The following RORA variants were observed in gnomAD, a reference collection of about 807,000 sequenced individuals.
RORA encodes the protein nuclear receptor ROR-alpha.
A neutral mutation model predicts 69.5 loss-of-function variants in RORA; 7 were observed. The ratio of observed to expected loss-of-function variants is 0.10; its 90% confidence interval spans 0.06 to 0.19. RORA has a LOEUF of 0.19. RORA is among the 10% of genes least tolerant of loss of function. RORA has a pLI of 1.00. For synonymous variants in RORA, 261 were observed against 240.8 expected, an observed-to-expected ratio of 1.08 and a Z score of -0.78; for missense variants, 457 against 663.0, an observed-to-expected ratio of 0.69 and a Z score of 3.41.
intron 1 of RORA, among the ~76,000 whole-genome samples, chr15:61,069,352 G>A (rs918697641): frequency 7.2e-5 from 11 of 152,168 alleles, no homozygotes; most frequent in Admixed American, 5.9e-4. Flanking sequence ...ATAAAATTGG[G>A]TGGAGAATCT....
At chr15:60,621,397 T>C (rs2069403653) in intron 2 of RORA, among the ~76,000 whole-genome samples, 1 of 152,074 alleles carries the variant, frequency 6.6e-6, no homozygotes, top group African/African-American at 2.4e-5. Flanking sequence ...ATTGTTGCTA[T>C]ATAACATGAA....
rs367615493 is a variant in RORA at position 60,754,942 on chromosome 15, C to G, written c.167-76256G>C. 4.6e-5 allele frequency among the ~76,000 whole-genome samples: 7 copies of G among 151,124 alleles called. No individual in the cohort carries two copies. The East Asian group carries it at 9.7e-4, about 21-fold the overall frequency. ...TGGAATGGATATCTCTCTTATTATC[C>G]CCGTAAACTCAGTGCACTTCTTGAA... On this transcript the variant is annotated intron_variant, in intron 1 of 10. Coordinates refer to ENST00000335670, the MANE Select transcript of RORA (RefSeq NM_134261.3).
chr15:60,669,666 G>A (rs990533680), intron 2 of RORA, among the ~76,000 whole-genome samples: 13 of 152,082 alleles, frequency 8.5e-5, no homozygotes, highest in East Asian at 5.8e-4. Flanking sequence ...AATCATCCCT[G>A]ATCACACCTA....
chr15:60,560,515 GAGACC>G (rs1170721944), intron 2 of RORA, among the ~76,000 whole-genome samples: 1 of 152,022 alleles, frequency 6.6e-6, no homozygotes, highest in Non-Finnish European at 1.5e-5. Flanking sequence ...ACAATATAGT[GAGACC>G]CTGCCTCAAA....
Position 60,531,983 on chromosome 15 carries a change from T to C in RORA, c.197-132A>G. The C allele has an allele frequency of 3.6e-6, 2 of 560,500 alleles. No homozygotes were observed. The highest frequency in any genetic ancestry group is 3.1e-6 in the Non-Finnish European group (1 of 322,490). 34.7% of individuals were successfully genotyped at this position (560,500 alleles called of 1,614,324 possible). ...TTATACTGCATTAACTATTCATTGC[T>C]GAACTGTGAGGGTCCCCCTAGAGCC... On this transcript the variant is annotated intron_variant, in intron 2 of 10. Transcript: ENST00000335670. The surrounding 1 kb of genome is among the most constrained non-coding windows in gnomAD (Gnocchi z 4.8).
intron 1 of RORA, among the ~76,000 whole-genome samples, chr15:60,711,996 C>T (rs531392198): frequency 5.7e-5 from 8 of 140,254 alleles, no homozygotes; most frequent in Middle Eastern, 3.8e-3. Flanking sequence ...TTTTGTGATA[C>T]GTAGTCTAAT....
At chr15:60,961,751 A>C (rs1476406405) in intron 1 of RORA, among the ~76,000 whole-genome samples, 1 of 152,222 alleles carries the variant, frequency 6.6e-6, no homozygotes, top group African/African-American at 2.4e-5. Flanking sequence ...CCGCCAGCTC[A>C]AGCCAACACA....
At chr15:60,539,627 T>G (rs1215818726) in intron 2 of RORA, among the ~76,000 whole-genome samples, 1 of 152,202 alleles carries the variant, frequency 6.6e-6, no homozygotes, top group African/African-American at 2.4e-5. Flanking sequence ...GAGAATAAGC[T>G]TCCTAATACT....
rs544880838 is a variant in RORA at position 61,226,685 on chromosome 15, G to A, written c.166+2368C>T. Among the ~76,000 whole-genome samples the A allele has an allele frequency of 6.6e-6, 1 of 152,204 alleles. No homozygotes were observed. Among genetic ancestry groups the A allele is most frequent in the Non-Finnish European group, 1.5e-5 (1 of 68,044 alleles). On this transcript the variant is annotated intron_variant, in intron 1 of 10. Coordinates refer to ENST00000335670, the MANE Select transcript of RORA (RefSeq NM_134261.3). The surrounding 1 kb of genome is among the most constrained non-coding windows in gnomAD (Gnocchi z 4.2). ...AGTCTGCAAATGCACATAATTTCTG[G>A]AAGCTATTACTACTGCTGTGTTAGC...
At chr15:60,833,546 A>AT (rs1158550786) in intron 1 of RORA, among the ~76,000 whole-genome samples, 4 of 151,744 alleles carry the variant, frequency 2.6e-5, no homozygotes, top group Admixed American at 6.6e-5. Flanking sequence ...CTTCCTTTCT[A>AT]TGTCCCTTTC....
Position 60,812,887 on chromosome 15 carries a change from A to G in RORA, c.167-134201T>C, listed in dbSNP as rs142680176. Among the ~76,000 whole-genome samples, 324 of 152,340 alleles carry G rather than the reference A, an allele frequency of 2.1e-3. 2 individuals are homozygous for G. The highest frequency in any genetic ancestry group is 7.4e-3 in the African/African-American group (309 of 41,574). On this transcript the variant is annotated intron_variant, in intron 1 of 10. Coordinates refer to ENST00000335670, the MANE Select transcript of RORA (RefSeq NM_134261.3). ...ACATCATCCAGAAGGGGCATGTCCT[A>G]TCATTGTAATAAAAAAGGACACTGC...
chr15:60,972,886 T>G (rs1043170756), intron 1 of RORA, among the ~76,000 whole-genome samples: 3 of 152,160 alleles, frequency 2.0e-5, no homozygotes, highest in Non-Finnish European at 4.4e-5. Flanking sequence ...ATCATTATCC[T>G]CTGACCTGAG....
At chr15:60,808,555 C>T (rs1902616) in intron 1 of RORA, among the ~76,000 whole-genome samples, 114,562 of 151,770 alleles carry the variant, frequency 0.75, 43,887 homozygotes, top group Non-Finnish European at 0.82. Flanking sequence ...GCAATCCTAC[C>T]ACTAGGTATC....
chr15:61,217,840 T>C (rs1326652123), intron 1 of RORA, among the ~76,000 whole-genome samples: 1 of 152,212 alleles, frequency 6.6e-6, no homozygotes, highest in Non-Finnish European at 1.5e-5. Flanking sequence ...TTAATGAGCA[T>C]GTGCTAAAAG....
chr15:60,789,289 G>C (rs1358754908), intron 1 of RORA, among the ~76,000 whole-genome samples: 2 of 152,212 alleles, frequency 1.3e-5, no homozygotes, highest in African/African-American at 2.4e-5. Context: ...CCTGGCATCA[G>C]AGGCCATCCC....
At chr15:60,540,381 A>C (rs1352994283) in intron 2 of RORA, among the ~76,000 whole-genome samples, 2 of 152,164 alleles carry the variant, frequency 1.3e-5, no homozygotes, top group Non-Finnish European at 2.9e-5. Context: ...AAACATCAGA[A>C]TTACACTTAC....
At chr15:60,716,043 G>C (rs777315333) in intron 1 of RORA, among the ~76,000 whole-genome samples, 8 of 152,214 alleles carry the variant, frequency 5.3e-5, no homozygotes, top group Non-Finnish European at 7.3e-5. Flanking sequence ...GCTTTTCAAA[G>C]TTTAATGTGC....
chr15:60,607,437 A>C (rs2068974498), intron 2 of RORA, among the ~76,000 whole-genome samples: 2 of 152,182 alleles, frequency 1.3e-5, no homozygotes, highest in Non-Finnish European at 2.9e-5. Flanking sequence ...TCATTTTCTG[A>C]TACTGCCTTG....
intron 1 of RORA, among the ~76,000 whole-genome samples, chr15:60,845,977 C>T (rs1022839211): frequency 2.6e-5 from 4 of 152,188 alleles, no homozygotes; most frequent in African/African-American, 4.8e-5. Context: ...AATCTCCTGA[C>T]CTCGTGATCC....
Sources: allele counts gnomAD v4.1 joint callset (sites outside exome capture counted in the v4.1 genomes callset), GRCh38; gene constraint gnomAD v4.1.1; non-coding constraint Gnocchi (gnomAD v3.1); transcripts MANE v1.5; gene names NCBI Gene and HGNC (gene_info 2026-07-23, HGNC 2026-07-21).